Variants in BLTP2 observed in about 807,000 individuals in gnomAD.
The protein encoded by BLTP2 is U937-associated antigen.
the BLTP2 span, chr17:28,637,812 G>A: frequency 4.4e-6 from 7 of 1,606,832 alleles, no homozygotes; most frequent in Middle Eastern, 1.7e-4. Flanking sequence ...GCACACTTCA[G>A]TATAGACTCC....
the BLTP2 span, chr17:28,631,593 G>A: frequency 6.2e-7 from 1 of 1,614,116 alleles, no homozygotes; most frequent in Middle Eastern, 1.6e-4. Flanking sequence ...CAGTGGGTGA[G>A]GCCATCAGGT....
the BLTP2 span, chr17:28,635,217 C>G: frequency 2.5e-6 from 4 of 1,613,986 alleles, no homozygotes; most frequent in Admixed American, 5.0e-5. Context: ...GTAGCAGCTG[C>G]ACCTCCACCT....
chr17:28,632,244 A>C, the BLTP2 span: 1 of 1,590,174 alleles, frequency 6.3e-7, no homozygotes, highest in Non-Finnish European at 8.6e-7. Flanking sequence ...ATATTGCTGC[A>C]AAGAGAAAGA....
At chr17:28,621,447 G>C in the BLTP2 span, 1 of 1,614,172 alleles carries the variant, frequency 6.2e-7, no homozygotes, top group Non-Finnish European at 8.5e-7. Flanking sequence ...CTCTCCATCA[G>C]CTCCTGCACA....
chr17:28,623,647 C>T, the BLTP2 span: 14 of 862,408 alleles, frequency 1.6e-5, no homozygotes, highest in African/African-American at 8.4e-5. Flanking sequence ...TGTTATTAGC[C>T]TCATTATTCT....
At chr17:28,640,659 G>C in the BLTP2 span, 1 of 1,613,850 alleles carries the variant, frequency 6.2e-7, no homozygotes, top group African/African-American at 1.3e-5. Context: ...AGGCAGAGTT[G>C]GCTCAACTAA....
At chr17:28,620,520 G>T in the BLTP2 span, 1 of 1,614,032 alleles carries the variant, frequency 6.2e-7, no homozygotes, top group Non-Finnish European at 8.5e-7. Flanking sequence ...TTCCGCTTAG[G>T]TTCTACATGG....
chr17:28,644,905 GC>G, the BLTP2 span: 3 of 1,185,134 alleles, frequency 2.5e-6, no homozygotes, highest in Non-Finnish European at 3.6e-6. Context: ...TAAGGCGCGC[GC>G]CCCCTCCTCA....
the BLTP2 span, chr17:28,640,459 TC>T: frequency 1.4e-5 from 17 of 1,224,412 alleles, no homozygotes; most frequent in South Asian, 2.1e-4. Context: ...ACTTCCTTTC[TC>T]CCCGTAGACA....
chr17:28,642,907 G>A, the BLTP2 span: 1 of 1,609,276 alleles, frequency 6.2e-7, no homozygotes, highest in South Asian at 1.1e-5. Flanking sequence ...TGCTTCTACT[G>A]ATCTGAATAT....
At chr17:28,644,908 C>T in the BLTP2 span, 1 of 1,274,660 alleles carries the variant, frequency 7.8e-7, no homozygotes, top group Non-Finnish European at 1.1e-6. Flanking sequence ...GGCGCGCGCC[C>T]CCTCCTCAGT....
chr17:28,634,987 G>T, the BLTP2 span: 1 of 1,613,408 alleles, frequency 6.2e-7, no homozygotes, highest in South Asian at 1.1e-5. Context: ...TAGATCAGGT[G>T]GGAGTGGGAC....
the BLTP2 span, among the ~76,000 whole-genome samples, chr17:28,622,241 A>G: frequency 6.6e-6 from 1 of 152,240 alleles, no homozygotes; most frequent in African/African-American, 2.4e-5. Context: ...GACTACTGAT[A>G]AAGAGCACTG....
the BLTP2 span, chr17:28,643,518 G>A: frequency 7.0e-7 from 1 of 1,424,866 alleles, no homozygotes; most frequent in Non-Finnish European, 9.9e-7. Flanking sequence ...CTTCCTCCTT[G>A]GATTGTGATG....
At chr17:28,616,051 G>C in the BLTP2 span, 3 of 1,463,992 alleles carry the variant, frequency 2.0e-6, no homozygotes, top group Non-Finnish European at 1.9e-6. The surrounding 1 kb of genome is among the most constrained non-coding windows in gnomAD (Gnocchi z 4.8). Flanking sequence ...ATCTTATCTG[G>C]TTCCCTTCCC....
At chr17:28,636,080 C>T in the BLTP2 span, 2 of 155,100 alleles carry the variant, frequency 1.3e-5, no homozygotes, top group Non-Finnish European at 2.9e-5. Flanking sequence ...TAATAAAGTA[C>T]TGAGCACACA....
the BLTP2 span, chr17:28,631,346 A>T: frequency 2.5e-6 from 2 of 801,192 alleles, no homozygotes; most frequent in Non-Finnish European, 4.0e-6. Flanking sequence ...TGGACTTCCC[A>T]GTAGCCAAAA....
the BLTP2 span, chr17:28,637,289 C>T: frequency 1.3e-6 from 1 of 789,658 alleles, no homozygotes; most frequent in Non-Finnish European, 2.1e-6. Flanking sequence ...TCCCTAAGTT[C>T]ATTTCTTAGG....
At chr17:28,634,586 G>T in the BLTP2 span, 2 of 1,614,180 alleles carry the variant, frequency 1.2e-6, no homozygotes, top group Admixed American at 3.3e-5. Flanking sequence ...CCCTCAGGGG[G>T]AAAAGGGCTG....
Sources: gnomAD v4.1 joint callset for allele counts (sites outside exome capture counted in the v4.1 genomes callset) on GRCh38, gnomAD v4.1.1 for gene constraint, Gnocchi (gnomAD v3.1) non-coding constraint, MANE v1.5 for transcripts, NCBI Gene and HGNC (gene_info 2026-07-23, HGNC 2026-07-21) for gene names.